The following PATJ variants were observed in gnomAD, a reference collection of about 807,000 sequenced individuals.
PATJ encodes inaD-like protein.
PATJ carries 190 observed loss-of-function variants against 224.9 expected under a neutral mutation model. That is an observed-to-expected ratio of 0.84 (90% CI 0.75 to 0.95). PATJ has a LOEUF of 0.95. Among genes scored for constraint, PATJ ranks in the 40% least tolerant of loss-of-function variants. The pLI is 0.00. For synonymous variants in PATJ, 769 were observed against 820.3 expected (o/e 0.94, Z 1.07); for missense variants, 2,121 against 2,270.3 (o/e 0.93, Z 1.34).
In PATJ at chr1:61,964,594, G is replaced by T. The variant is rs569845455; in HGVS notation, c.3671-25574G>T. The stretch of plus-strand genomic sequence containing the variant: ...GCTTGAGGCCAGGAGTTCAAGACCA[G>T]CCTGGGCAACATGGTGAAACCCCAT... On this transcript the variant is annotated intron_variant, in intron 27 of 43. Coordinates refer to ENST00000642238, the MANE Select transcript of PATJ (RefSeq NM_001350145.3). Among the ~76,000 whole-genome samples the T allele has an allele frequency of 2.0e-5, 3 of 151,906 alleles. 1 individual carries two copies. The South Asian group carries it at 6.2e-4, about 32-fold the overall frequency.
At chr1:61,852,768 T>C (rs1400674406) in intron 17 of PATJ, among the ~76,000 whole-genome samples, 6 of 152,150 alleles carry the variant, frequency 3.9e-5, no homozygotes, top group Non-Finnish European at 8.8e-5. Context: ...TTTGAGCATT[T>C]TTATGCAGCA....
At chr1:62,153,937 CTT>C (rs974310714) in intron 43 of PATJ, among the ~76,000 whole-genome samples, 2 of 152,160 alleles carry the variant, frequency 1.3e-5, no homozygotes, top group Non-Finnish European at 2.9e-5. Context: ...GAGTTTCGCT[CTT>C]GTCGCCCAGG....
intron 17 of PATJ, among the ~76,000 whole-genome samples, chr1:61,838,839 T>G (rs1660635824): frequency 6.6e-6 from 1 of 152,266 alleles, no homozygotes; most frequent in Admixed American, 6.5e-5. Flanking sequence ...TAGACTATGG[T>G]CTCCGTGGAA....
chr1:62,129,532 G>A (rs1666056409), intron 41 of PATJ, among the ~76,000 whole-genome samples: 1 of 152,224 alleles, frequency 6.6e-6, no homozygotes, highest in Admixed American at 6.5e-5. Context: ...CCCTTCAGAT[G>A]TCTCTGAGAT....
At chr1:61,776,465 GA>G (rs945308089) in intron 7 of PATJ, among the ~76,000 whole-genome samples, 1 of 151,574 alleles carries the variant, frequency 6.6e-6, no homozygotes, top group Non-Finnish European at 1.5e-5. Flanking sequence ...CAACAAAAAA[GA>G]AAAAAAATGC....
In PATJ at chr1:61,769,342, T is replaced by A; in HGVS notation, c.444T>A (p.Ser148Arg). Residue 148 changes from serine to arginine, a missense_variant, in exon 5 of 44, where the codon AGT (serine) becomes AGA (arginine). Transcript: ENST00000642238. ...CTTCAACTGGAGGCCTTGGATTCAG[T>A]GTGGTGGCCCTCAGAAGTCAAAATC... ...ERPSTGGLGF[S>R]VVALRSQNLG... is the part of the protein sequence containing the mutation. The A allele has an allele frequency of 6.2e-7, 1 of 1,614,050 alleles. No individual in the cohort carries two copies. Among genetic ancestry groups the A allele is most frequent in the Non-Finnish European group, 8.5e-7 (1 of 1,179,978 alleles).
At chr1:61,960,731 C>G (rs1275623218) in intron 27 of PATJ, among the ~76,000 whole-genome samples, 1 of 151,648 alleles carries the variant, frequency 6.6e-6, no homozygotes, top group Admixed American at 6.6e-5. Context: ...TCAAATTCCT[C>G]TTGATTTTTT....
intron 14 of PATJ, among the ~76,000 whole-genome samples, chr1:61,810,002 C>T (rs973454904): frequency 1.1e-4 from 17 of 151,934 alleles, no homozygotes; most frequent in African/African-American, 3.9e-4. Flanking sequence ...CATGTGTCAC[C>T]ACCCCCGGCT....
rs1255776776 is a variant in PATJ at position 61,866,392 on chromosome 1, T to C, written c.2835+1759T>C. On this transcript the variant is annotated intron_variant, in intron 20 of 43. Transcript: ENST00000642238. ...ACATTCAATTTGAAAACCTGTGAGA[T>C]GTTAAATTTTTTTTGCCTATTCTCA... is the stretch of plus-strand genomic sequence containing the variant. Among the ~76,000 whole-genome samples, 11 of 152,230 alleles carry C rather than the reference T, an allele frequency of 7.2e-5. No individual in the cohort carries two copies. In the South Asian group the frequency reaches 2.1e-3, roughly 29 times the overall value.
At chr1:62,023,246 C>T (rs10889284) in intron 29 of PATJ, among the ~76,000 whole-genome samples, 61,050 of 149,932 alleles carry the variant, frequency 0.41, 12,462 homozygotes, top group South Asian at 0.47. Context: ...GCCGAGATCG[C>T]GCCATTGCAC....
intron 27 of PATJ, among the ~76,000 whole-genome samples, chr1:61,958,834 T>A (rs1680808956): frequency 6.6e-6 from 1 of 152,220 alleles, no homozygotes; most frequent in African/African-American, 2.4e-5. Flanking sequence ...AAAATGAGTG[T>A]GAGACTAAAT....
chr1:62,142,868 A>G (rs953282366), intron 41 of PATJ, among the ~76,000 whole-genome samples: 3 of 152,154 alleles, frequency 2.0e-5, no homozygotes, highest in African/African-American at 4.8e-5. Context: ...GGAACTTTAT[A>G]TGCATAATTA....
intron 21 of PATJ, among the ~76,000 whole-genome samples, chr1:61,877,033 C>T (rs909674704): frequency 6.6e-6 from 1 of 152,112 alleles, no homozygotes; most frequent in Non-Finnish European, 1.5e-5. Flanking sequence ...AGGCTTTGCT[C>T]GAAGACTGGG....
chr1:62,089,822 A>T (rs1049221496), intron 33 of PATJ, among the ~76,000 whole-genome samples: 4 of 152,226 alleles, frequency 2.6e-5, no homozygotes, highest in African/African-American at 9.6e-5. Context: ...AATGGTGGAA[A>T]ACATTGAGAC....
intron 27 of PATJ, among the ~76,000 whole-genome samples, chr1:61,966,477 G>A (rs1682162342): frequency 6.6e-6 from 1 of 152,088 alleles, no homozygotes; most frequent in African/African-American, 2.4e-5. Flanking sequence ...CCTGAAGTCA[G>A]GAGTTCAAGA....
chr1:61,966,093 G>T (rs1682090353), intron 27 of PATJ, among the ~76,000 whole-genome samples: 1 of 152,186 alleles, frequency 6.6e-6, no homozygotes, highest in South Asian at 2.1e-4. Context: ...GTTGAGATGA[G>T]GTTTTACCAT....
At chr1:61,901,684 A>G (rs1413855392) in intron 24 of PATJ, among the ~76,000 whole-genome samples, 2 of 152,124 alleles carry the variant, frequency 1.3e-5, no homozygotes, top group African/African-American at 4.8e-5. Context: ...AGCTGATTGC[A>G]AAAAAACACT....
chr1:62,031,793 C>T (rs992744477), intron 29 of PATJ, among the ~76,000 whole-genome samples: 2 of 152,112 alleles, frequency 1.3e-5, no homozygotes, highest in African/African-American at 4.8e-5. Context: ...GTTGCTTAAC[C>T]TTTCTGTAAA....
chr1:61,811,222 G>C (rs1249445808), intron 14 of PATJ, among the ~76,000 whole-genome samples: 1 of 152,080 alleles, frequency 6.6e-6, no homozygotes. Flanking sequence ...ATAGTTGCAA[G>C]CACATAGTAG....
Sources: gnomAD v4.1 joint callset for allele counts (sites outside exome capture counted in the v4.1 genomes callset) on GRCh38, gnomAD v4.1.1 for gene constraint, MANE v1.5 for transcripts, NCBI Gene and HGNC (gene_info 2026-07-23, HGNC 2026-07-21) for gene names.